RGS7: variants seen among roughly 807,000 people sequenced by gnomAD.
RGS7 encodes the protein regulator of G-protein signaling 7.
RGS7 carries 27 observed loss-of-function variants against 81.1 expected under a neutral mutation model. The ratio of observed to expected loss-of-function variants is 0.33; its 90% CI spans 0.25 to 0.46. The LOEUF (loss-of-function observed/expected upper bound fraction) is 0.46, where lower values mean the gene tolerates loss of function less well. Among genes scored for constraint, RGS7 ranks in the 20% least tolerant of loss-of-function variants. The pLI is 1.00. For missense variants in RGS7, 396 were observed against 607.4 expected (o/e 0.65, Z 3.66); for synonymous variants, 208 against 207.7 (o/e 1.00, Z -0.01).
chr1:240,947,192 C>A (rs1225384370), intron 4 of RGS7, among the ~76,000 whole-genome samples: 1 of 151,984 alleles, frequency 6.6e-6, no homozygotes, highest in Non-Finnish European at 1.5e-5. Context: ...CTGCCCTGGC[C>A]CCGTTGCATC....
chr1:241,061,892 A>G (rs2061758554), intron 3 of RGS7, among the ~76,000 whole-genome samples: 1 of 152,090 alleles, frequency 6.6e-6, no homozygotes, highest in African/African-American at 2.4e-5. Context: ...CTGAGTCTGT[A>G]CCTCCCAAGA....
intron 9 of RGS7, among the ~76,000 whole-genome samples, chr1:240,827,487 C>CA (rs1693046989): frequency 6.6e-6 from 1 of 152,184 alleles, no homozygotes; most frequent in African/African-American, 2.4e-5. Flanking sequence ...ACCCGACAGA[C>CA]AGAGTGAGGG....
intron 2 of RGS7, among the ~76,000 whole-genome samples, chr1:241,329,845 T>C (rs1005039160): frequency 3.3e-5 from 5 of 152,332 alleles, no homozygotes; most frequent in South Asian, 2.1e-4. Context: ...TGATGGTTTA[T>C]AACTAGGCTT....
chr1:240,878,106 G>A lies in RGS7; in HGVS notation c.386-7987C>T, dbSNP rs928203891. On this transcript the variant is annotated intron_variant, in intron 6 of 18. Transcript: ENST00000440928. ...GAGCCTCACACCAGATGTCCCCTATGTCTTCTCTCCTTTCCGTCTCTGGAG... is the reference window on the plus strand; with the variant it reads ...GAGCCTCACACCAGATGTCCCCTATATCTTCTCTCCTTTCCGTCTCTGGAG... 9.2e-5 allele frequency among the ~76,000 whole-genome samples: 14 copies of A among 152,102 alleles called. No individual in the cohort carries two copies. The Middle Eastern group carries it at 0.01, about 112-fold the overall frequency.
rs1322354472 is a variant in RGS7 at position 240,816,308 on chromosome 1, T to C, written c.783+9A>G. The C allele has an allele frequency of 1.3e-6, 2 of 1,578,882 alleles. No individual in the cohort carries two copies. Among genetic ancestry groups the C allele is most frequent in the Admixed American group, 1.7e-5 (1 of 59,976 alleles). ...AACCTTTAACAGGTCATCTCATAGG[T>C]TGACTCACCTGTTGTTGTAACTCAT... On this transcript the variant is annotated intron_variant, in intron 11 of 18. Coordinates refer to ENST00000440928, the MANE Select transcript of RGS7 (RefSeq NM_001364886.1).
chr1:241,166,701 T>C lies in RGS7; in HGVS notation c.79-67939A>G, dbSNP rs1273953641. Among the ~76,000 whole-genome samples, 6 of 152,210 alleles carry C rather than the reference T, an allele frequency of 3.9e-5. No homozygotes were observed. In the East Asian group the frequency reaches 9.6e-4, roughly 24 times the overall value. On this transcript the variant is annotated intron_variant, in intron 2 of 18. Coordinates refer to ENST00000440928, the MANE Select transcript of RGS7 (RefSeq NM_001364886.1). ...CTTCAAGCCCCTGCCAGTCTTCAGATTGCAAGAGAACCCTGGGCCCCAAAG... is the reference window on the plus strand; with the variant it reads ...CTTCAAGCCCCTGCCAGTCTTCAGACTGCAAGAGAACCCTGGGCCCCAAAG...
intron 9 of RGS7, among the ~76,000 whole-genome samples, chr1:240,863,934 TA>T (rs1409054430): frequency 6.6e-6 from 1 of 152,134 alleles, no homozygotes; most frequent in Non-Finnish European, 1.5e-5. Context: ...GATAGATACA[TA>T]AAGTCAGGAT....
chr1:241,291,378 C>A (rs1299007949), intron 2 of RGS7, among the ~76,000 whole-genome samples: 2 of 152,116 alleles, frequency 1.3e-5, no homozygotes, highest in African/African-American at 4.8e-5. Flanking sequence ...GCAGATGATA[C>A]TCTGGTTTAA....
intron 3 of RGS7, among the ~76,000 whole-genome samples, chr1:241,090,029 A>ATCTTGTTTGG (rs1283126830): frequency 6.6e-6 from 1 of 151,494 alleles, no homozygotes; most frequent in Non-Finnish European, 1.5e-5. Context: ...GAGAACAGGA[A>ATCTTGTTTGG]AACTTTTTTT....
chr1:240,872,774 T>G (rs1664717596), intron 6 of RGS7, among the ~76,000 whole-genome samples: 1 of 152,178 alleles, frequency 6.6e-6, no homozygotes, highest in African/African-American at 2.4e-5. Context: ...AATGCACTCA[T>G]GCATAGTCAA....
intron 3 of RGS7, among the ~76,000 whole-genome samples, chr1:241,054,778 A>C (rs2061403522): frequency 6.6e-6 from 1 of 152,210 alleles, no homozygotes; most frequent in Admixed American, 6.5e-5. Context: ...CAGCAAATCC[A>C]ATCATGTCTT....
intron 2 of RGS7, among the ~76,000 whole-genome samples, chr1:241,120,559 T>C (rs2066181729): frequency 6.6e-6 from 1 of 152,100 alleles, no homozygotes; most frequent in African/African-American, 2.4e-5. Context: ...TTGCCCAAGC[T>C]GGTCTCGAAC....
intron 3 of RGS7, among the ~76,000 whole-genome samples, chr1:241,081,132 C>T (rs983058009): frequency 1.3e-5 from 2 of 152,148 alleles, no homozygotes; most frequent in Non-Finnish European, 2.9e-5. Flanking sequence ...GCTGAACCTG[C>T]CCTCCCAAAA....
chr1:240,839,567 T>C (rs1307354173), intron 9 of RGS7, among the ~76,000 whole-genome samples: 1 of 152,058 alleles, frequency 6.6e-6, no homozygotes, highest in Non-Finnish European at 1.5e-5. Context: ...ACATCAAACA[T>C]TTATCTGGAG....
intron 2 of RGS7, among the ~76,000 whole-genome samples, chr1:241,286,008 G>A (rs1053270234): frequency 6.6e-5 from 10 of 152,074 alleles, no homozygotes; most frequent in African/African-American, 1.9e-4. Flanking sequence ...TGTAATCATC[G>A]TCCCTGTGTT....
intron 2 of RGS7, among the ~76,000 whole-genome samples, chr1:241,195,197 G>A (rs572234637): frequency 1.2e-4 from 18 of 152,122 alleles, no homozygotes; most frequent in African/African-American, 3.4e-4. Context: ...TTTGACCAGC[G>A]GGGCGTGGTA....
chr1:241,151,941 T>C (rs1357904871), intron 2 of RGS7, among the ~76,000 whole-genome samples: 3 of 152,150 alleles, frequency 2.0e-5, no homozygotes, highest in Non-Finnish European at 4.4e-5. Flanking sequence ...TCCTCTCTTG[T>C]AGGATATGGA....
At chr1:241,092,832 C>G (rs1572656438) in intron 3 of RGS7, among the ~76,000 whole-genome samples, 2 of 147,412 alleles carry the variant, frequency 1.4e-5, no homozygotes, top group Non-Finnish European at 1.5e-5. Flanking sequence ...TAGCCCCCAA[C>G]AAACTTAAAA....
chr1:241,265,801 T>C (rs1402371350), intron 2 of RGS7, among the ~76,000 whole-genome samples: 2 of 147,598 alleles, frequency 1.4e-5, no homozygotes, highest in African/African-American at 2.5e-5. Flanking sequence ...TTTTTTTTTT[T>C]TTTTTTTTTT....
Sources: gnomAD v4.1 joint callset for allele counts (sites outside exome capture counted in the v4.1 genomes callset) on GRCh38, gnomAD v4.1.1 for gene constraint, MANE v1.5 for transcripts, NCBI Gene and HGNC (gene_info 2026-07-23, HGNC 2026-07-21) for gene names.